The following FBXO38 variants were observed in gnomAD, a reference collection of about 807,000 sequenced individuals.
FBXO38 encodes F-box only protein 38.
FBXO38 carries 53 observed loss-of-function variants against 131.9 expected under a neutral mutation model. The ratio of observed to expected loss-of-function variants is 0.40; its 90% confidence interval spans 0.32 to 0.51. The LOEUF is 0.51. Ranked by LOEUF, FBXO38 falls within the 20% of genes least tolerant of loss-of-function variation. The pLI, the probability that FBXO38 is intolerant of heterozygous loss-of-function variation, is 0.53. For missense variants in FBXO38, 1,076 were observed against 1,475.6 expected, an observed-to-expected ratio of 0.73 and a Z score of 4.44; for synonymous variants, 452 against 505.6, an observed-to-expected ratio of 0.89 and a Z score of 1.42.
At chr5:148,419,122 A>G (rs1367377462) in intron 12 of FBXO38, among the ~76,000 whole-genome samples, 1 of 152,254 alleles carries the variant, frequency 6.6e-6, no homozygotes, top group African/African-American at 2.4e-5. Flanking sequence ...AATGCTGAGA[A>G]GCAAAGAATA....
chr5:148,407,593 A>AT (rs1000451065), intron 7 of FBXO38, among the ~76,000 whole-genome samples: 152 of 147,118 alleles, frequency 1.0e-3, no homozygotes, highest in South Asian at 1.7e-3. Context: ...TAAAATTAAA[A>AT]TTTTTTTTTT....
chr5:148,414,116 T>A lies in FBXO38; in HGVS notation c.1094-20T>A, dbSNP rs1395268379. On this transcript the variant is annotated intron_variant, in intron 9 of 21. Transcript: ENST00000340253. ...TTAAGAATTTGACTTTTTTTTTTTT[T>A]AATTGATTGCTCTTTTTAGGCAGAA... is the stretch of plus-strand genomic sequence containing the variant. 11 of 1,570,666 alleles carry A rather than the reference T, an allele frequency of 7.0e-6. No individual in the cohort carries two copies. The African/African-American group carries it at 1.1e-4, about 16-fold the overall frequency.
At position 148,442,629 on chromosome 5, in the gene FBXO38, CTA is replaced by C. The variant is rs1754758820; in HGVS notation, c.*484_*485del. The C allele has an allele frequency of 6.6e-6, 1 of 152,202 alleles. No individual in the cohort carries two copies. The highest frequency in any genetic ancestry group is 2.4e-5 in the African/African-American group (1 of 41,362). The allele number at this position is 152,202 out of a possible 1,614,324, so 9.4% of individuals were successfully genotyped here. On this transcript the variant is annotated 3_prime_UTR_variant, in exon 22 of 22. Coordinates refer to ENST00000340253, the MANE Select transcript of FBXO38 (RefSeq NM_205836.3). ...TAAACCTTATAGTCAAGACAAGGCT[CTA>C]TGTTTCTGTACAAAGCTGTAGTTCT... is the stretch of plus-strand genomic sequence containing the variant.
At chr5:148,424,709 TTCTC>T (rs1257124546) in intron 13 of FBXO38, among the ~76,000 whole-genome samples, 1 of 152,232 alleles carries the variant, frequency 6.6e-6, no homozygotes, top group African/African-American at 2.4e-5. Context: ...AGTTTTCTCA[TTCTC>T]TGCCTGTTAG....
chr5:148,400,628 A>C (rs535806281), intron 3 of FBXO38, among the ~76,000 whole-genome samples: 1 of 152,274 alleles, frequency 6.6e-6, no homozygotes, highest in African/African-American at 2.4e-5. Flanking sequence ...CTGGCATTTA[A>C]CTCAGATCCT....
At chr5:148,416,359 CAGAA>C (rs1753053574) in intron 11 of FBXO38, among the ~76,000 whole-genome samples, 1 of 152,090 alleles carries the variant, frequency 6.6e-6, no homozygotes, top group South Asian at 2.1e-4. Flanking sequence ...AAATTTAAGA[CAGAA>C]ATTATTACGT....
rs773697924 is a variant in FBXO38 at position 148,417,024 on chromosome 5, A to C, written c.1438A>C (p.Thr480Pro). The change falls in exon 12 of 22, where the codon ACA becomes CCA. Residue 480 changes from threonine (T) to proline (P), a missense_variant. Physicochemically the swap from Thr to Pro is conservative, Grantham distance 38. Coordinates refer to ENST00000340253, the MANE Select transcript of FBXO38 (RefSeq NM_205836.3). ...GCARVGLSAG[T>P]GIGVSSALVS... ...TGCTCGAGTTGGTCTGAGTGCAGGCACAGGAATTGGTGTTTCATCAGCTCT... is the reference window on the plus strand; with the variant it reads ...TGCTCGAGTTGGTCTGAGTGCAGGCCCAGGAATTGGTGTTTCATCAGCTCT... The C allele has an allele frequency of 6.2e-7, 1 of 1,613,872 alleles. No individual in the cohort carries two copies. Among genetic ancestry groups the C allele is most frequent in the Non-Finnish European group, 8.5e-7 (1 of 1,179,824 alleles).
chr5:148,440,910 G>A (rs1032923933), intron 20 of FBXO38, among the ~76,000 whole-genome samples: 1 of 152,176 alleles, frequency 6.6e-6, no homozygotes, highest in Non-Finnish European at 1.5e-5. Flanking sequence ...TGCTTTGCCT[G>A]TATGAGTCTT....
intron 7 of FBXO38, among the ~76,000 whole-genome samples, chr5:148,408,279 G>A (rs1752550524): frequency 1.3e-5 from 2 of 152,188 alleles, no homozygotes; most frequent in South Asian, 2.1e-4. Flanking sequence ...ATACACTGAT[G>A]GTCAGAATAT....
chr5:148,398,676 GTT>G (rs200385007), intron 2 of FBXO38, among the ~76,000 whole-genome samples: 1 of 142,078 alleles, frequency 7.0e-6, no homozygotes. Context: ...GAAAAGCACT[GTT>G]TTTTTTTTTT....
rs1758529853 is a variant in FBXO38, at chr5:148,397,246, TTTCTA to T, written c.129-1752_129-1748del. On this transcript the variant is annotated intron_variant, in intron 2 of 21. Coordinates refer to ENST00000340253, the MANE Select transcript of FBXO38 (RefSeq NM_205836.3). ...CTTTGCTGTCCCTGCTATGCTCTCT[TTTCTA>T]AAGTGTTATATTTGATCTGTCTTCT... 3.3e-5 allele frequency among the ~76,000 whole-genome samples: 5 copies of T among 152,310 alleles called. No homozygotes were observed. The South Asian group carries it at 1.0e-3, about 32-fold the overall frequency.
At chr5:148,393,675 A>G (rs1758331138) in intron 1 of FBXO38, among the ~76,000 whole-genome samples, 1 of 152,158 alleles carries the variant, frequency 6.6e-6, no homozygotes, top group African/African-American at 2.4e-5. Context: ...GTTTGTTTAC[A>G]ATGGGCCCAG....
chr5:148,441,692 T>A (rs966590879), intron 21 of FBXO38, among the ~76,000 whole-genome samples: 3 of 152,344 alleles, frequency 2.0e-5, no homozygotes, highest in East Asian at 1.9e-4. Context: ...AAAGGTTTTT[T>A]AAAAATACTT....
intron 5 of FBXO38, 171 bp downstream of exon 5, chr5:148,402,684 T>C (rs1168310199): frequency 1.9e-6 from 1 of 526,168 alleles, no homozygotes; most frequent in Middle Eastern, 5.5e-4. Flanking sequence ...AAAGATCCAC[T>C]GGTGTGAGGG....
intron 9 of FBXO38, among the ~76,000 whole-genome samples, chr5:148,412,408 G>C (rs1009779934): frequency 2.6e-5 from 4 of 152,100 alleles, no homozygotes; most frequent in African/African-American, 9.7e-5. Flanking sequence ...AGAAGTGGTG[G>C]CTGGCCTCTG....
intron 6 of FBXO38, among the ~76,000 whole-genome samples, chr5:148,405,261 C>T (rs770319983): frequency 2.0e-5 from 3 of 152,178 alleles, no homozygotes; most frequent in African/African-American, 4.8e-5. Context: ...GGTCCACTGG[C>T]CACAGCCCAC....
chr5:148,409,525 G>A (rs1752633386), intron 8 of FBXO38, among the ~76,000 whole-genome samples: 1 of 152,178 alleles, frequency 6.6e-6, no homozygotes, highest in African/African-American at 2.4e-5. Flanking sequence ...TGAAGCTCTG[G>A]TGTCTGTAGC....
At chr5:148,399,918 A>AAAAAAT (rs1240929131) in intron 3 of FBXO38, among the ~76,000 whole-genome samples, 2 of 151,998 alleles carry the variant, frequency 1.3e-5, no homozygotes, top group East Asian at 3.9e-4. Flanking sequence ...GAGGGGAACC[A>AAAAAAT]AAAAATAAAA....
chr5:148,439,508 C>A (rs2113666622), intron 18 of FBXO38, 139 bp from the exon 19 acceptor site: 4 of 820,756 alleles, frequency 4.9e-6, no homozygotes, highest in South Asian at 2.0e-5. Flanking sequence ...GTTTTCAGGT[C>A]TGAATGTGAC....
Sources: gnomAD v4.1 joint callset for allele counts (sites outside exome capture counted in the v4.1 genomes callset) on GRCh38, gnomAD v4.1.1 for gene constraint, MANE v1.5 for transcripts, NCBI Gene and HGNC (gene_info 2026-07-23, HGNC 2026-07-21) for gene names.